F10: variants seen among roughly 807,000 people sequenced by gnomAD.
F10 encodes Stuart-Prower factor.
A neutral mutation model predicts 37.1 loss-of-function variants in F10; 29 were observed. That is an observed-to-expected ratio of 0.78 (90% confidence interval 0.58 to 1.07). F10 has a LOEUF of 1.07. Ranked by LOEUF, F10 falls within the 50% of genes least tolerant of loss-of-function variation. The pLI is 0.00. For synonymous variants in F10, 262 were observed against 268.6 expected, an observed-to-expected ratio of 0.98 and a Z score of 0.24; for missense variants, 539 against 667.9, an observed-to-expected ratio of 0.81 and a Z score of 2.13.
rs2036532544 is a variant in F10 at position 113,141,968 on chromosome 13, C to T, written c.502+918C>T. ...CTGTCCCCTCCAGACACAGGTTACT[C>T]CCGAGTGTTCTGTCACTCTTCCTTT... On this transcript the variant is annotated intron_variant, in intron 5 of 7. Transcript: ENST00000375559. The surrounding 1 kb of genome is among the most constrained non-coding windows in gnomAD (Gnocchi z 5.4). Among the ~76,000 whole-genome samples, 1 of 152,210 alleles carries T rather than the reference C, an allele frequency of 6.6e-6. No individual in the cohort carries two copies. Among genetic ancestry groups the T allele is most frequent in the Non-Finnish European group, 1.5e-5 (1 of 68,050 alleles).
rs960229504 is a variant in F10, at chr13:113,141,802, C to T, written c.502+752C>T. On this transcript the variant is annotated intron_variant, in intron 5 of 7. Coordinates refer to ENST00000375559, the MANE Select transcript of F10 (RefSeq NM_000504.4). This position sits in a 1 kb window ranked among gnomAD's most constrained non-coding sequence, Gnocchi z 5.4. ...ACTCCCACTCATAGCTGGCCCGACC[C>T]GCAGCGTTGGCCTCACCCGGGGGCA... 1.2e-4 allele frequency among the ~76,000 whole-genome samples: 18 copies of T among 152,302 alleles called. No individual in the cohort carries two copies. The highest frequency in any genetic ancestry group is 3.8e-4 in the African/African-American group (16 of 41,572).
chr13:113,140,800 T>C, intron 4 of F10, 119 bp from the exon 5 acceptor site: 2 of 1,497,552 alleles, frequency 1.3e-6, no homozygotes, highest in Non-Finnish European at 1.9e-6. Context: ...TCTGGCCCTT[T>C]GCTCAACCCA....
intron 1 of F10, among the ~76,000 whole-genome samples, chr13:113,126,152 C>G (rs1366508815): frequency 1.3e-5 from 2 of 152,072 alleles, no homozygotes; most frequent in African/African-American, 4.8e-5. Context: ...CCTGGGAGGC[C>G]TGGCCATGGG....
chr13:113,130,007 T>A (rs1335504680), intron 2 of F10: 2 of 336,718 alleles, frequency 5.9e-6, no homozygotes, highest in Non-Finnish European at 1.2e-5. Context: ...GCGTCCTGCC[T>A]TGGCCTCCGT....
intron 2 of F10, 23 bp downstream of exon 2, chr13:113,129,635 C>T: frequency 3.1e-6 from 5 of 1,613,768 alleles, no homozygotes; most frequent in Non-Finnish European, 4.2e-6. Flanking sequence ...GATAGCCTGG[C>T]TGTTGGTAAG....
At position 113,122,825 on chromosome 13, in the gene F10, T is replaced by C; in HGVS notation, c.-31T>C. 6.2e-7 allele frequency: 1 copy of C among 1,606,204 alleles called. No homozygotes were observed. The highest frequency in any genetic ancestry group is 1.1e-5 in the South Asian group (1 of 91,058). ...ACTTTGCTCCAGCAGCCTGTCCCAG[T>C]GAGGACAGGGACACAGTACTCGGCC... On this transcript the variant is annotated 5_prime_UTR_variant, in exon 1 of 8. Transcript: ENST00000375559.
chr13:113,135,436 A>T (rs1275665728), intron 2 of F10, among the ~76,000 whole-genome samples: 1 of 152,172 alleles, frequency 6.6e-6, no homozygotes, highest in Non-Finnish European at 1.5e-5. Context: ...GGGCCTGATG[A>T]GGGCCTGGTC....
intron 7 of F10, among the ~76,000 whole-genome samples, chr13:113,148,465 T>G (rs1467657023): frequency 6.6e-6 from 1 of 151,734 alleles, no homozygotes; most frequent in East Asian, 1.9e-4. Context: ...TATTACTTTT[T>G]CCATGTGTAA....
At chr13:113,123,736 C>A (rs890577119) in intron 1 of F10, among the ~76,000 whole-genome samples, 10 of 152,154 alleles carry the variant, frequency 6.6e-5, no homozygotes, top group Non-Finnish European at 1.5e-4. Context: ...ATCCTCAGTG[C>A]ATCACTGACC....
At chr13:113,148,346 AT>A (rs1397676117) in intron 7 of F10, among the ~76,000 whole-genome samples, 842 of 75,934 alleles carry the variant, frequency 0.011, 8 homozygotes, top group African/African-American at 0.037. Context: ...AAAAAAAAAA[AT>A]ATATATATAT....
chr13:113,124,105 C>T (rs1217341618), intron 1 of F10, among the ~76,000 whole-genome samples: 1 of 152,218 alleles, frequency 6.6e-6, no homozygotes, highest in African/African-American at 2.4e-5. Flanking sequence ...AATTCTGCAG[C>T]CGGAATGCTC....
In F10 at chr13:113,139,338, C is replaced by T. The variant is rs369847805; in HGVS notation, c.257-19C>T. ...GGAAACAGCTTGCAGACTCCAGTTT[C>T]GAAATCCTCTCTTTGCAGATGGCGA... On this transcript the variant is annotated intron_variant, in intron 3 of 7. Transcript: ENST00000375559. The surrounding 1 kb of genome is among the most constrained non-coding windows in gnomAD (Gnocchi z 5.2). The T allele has an allele frequency of 2.1e-4, 337 of 1,608,912 alleles. 1 individual carries two copies. Among genetic ancestry groups the T allele is most frequent in the Non-Finnish European group, 2.7e-4 (322 of 1,175,592 alleles).
rs1317329143 is a variant in F10, at chr13:113,136,771, C to T, written c.232-1686C>T. ...GTTCACGCCATTCTCCTGCCTCAGCCTCCCAAGTAGCTGGGACTACAGGCG... is the reference window on the plus strand; with the variant it reads ...GTTCACGCCATTCTCCTGCCTCAGCTTCCCAAGTAGCTGGGACTACAGGCG... On this transcript the variant is annotated intron_variant, in intron 2 of 7. Transcript: ENST00000375559. 5.0e-5 allele frequency among the ~76,000 whole-genome samples: 2 copies of T among 39,716 alleles called. 1 individual carries two copies. The highest frequency in any genetic ancestry group is 1.3e-4 in the Non-Finnish European group (2 of 15,538). 26.1% of individuals were successfully genotyped at this position (39,716 alleles called of 152,430 possible).
In F10 at chr13:113,139,771, T is replaced by C. The variant is rs1248785858; in HGVS notation, c.370+301T>C. Among the ~76,000 whole-genome samples, 3 of 151,594 alleles carry C rather than the reference T, an allele frequency of 2.0e-5. No homozygotes were observed. Among genetic ancestry groups the C allele is most frequent in the Non-Finnish European group, 4.4e-5 (3 of 67,968 alleles). ...TGATCCATTCATGTGTAAACAGGAG[T>C]GGACTCTCTGTTTTCCTTGGGGCCA... On this transcript the variant is annotated intron_variant, in intron 4 of 7. Coordinates refer to ENST00000375559, the MANE Select transcript of F10 (RefSeq NM_000504.4). This position sits in a 1 kb window ranked among gnomAD's most constrained non-coding sequence, Gnocchi z 5.2.
In F10 at chr13:113,143,834, C is replaced by T. The variant is rs369143588; in HGVS notation, c.503-17C>T. 165 of 1,610,802 alleles carry T rather than the reference C, an allele frequency of 1.0e-4. No individual in the cohort carries two copies. In the African/African-American group the frequency reaches 1.9e-3, roughly 18 times the overall value. ...CTCTCTCTGTGCTGAAGGCCCCGGC[C>T]GTCCTCTTTCTTTCAGGGCCCTACC... is the stretch of plus-strand genomic sequence containing the variant. On this transcript the variant is annotated splice_polypyrimidine_tract_variant and intron_variant, in intron 5 of 7. Transcript: ENST00000375559. This position sits in a 1 kb window ranked among gnomAD's most constrained non-coding sequence, Gnocchi z 6.8.
chr13:113,147,871 C>T (rs1331344524), intron 7 of F10, among the ~76,000 whole-genome samples: 1 of 152,164 alleles, frequency 6.6e-6, no homozygotes, highest in Non-Finnish European at 1.5e-5. Flanking sequence ...CACCAAGCAC[C>T]TCTGTCTCTT....
chr13:113,133,269 T>A (rs2138533152), intron 2 of F10, among the ~76,000 whole-genome samples: 1 of 151,638 alleles, frequency 6.6e-6, no homozygotes, highest in South Asian at 2.1e-4. Context: ...TAGACAAAAT[T>A]AATAAGCTGA....
chr13:113,146,874 C>T lies in F10; in HGVS notation c.748-505C>T, dbSNP rs1323844766. 6.6e-6 allele frequency among the ~76,000 whole-genome samples: 1 copy of T among 152,238 alleles called. No individual in the cohort carries two copies. Among genetic ancestry groups the T allele is most frequent in the South Asian group, 2.1e-4 (1 of 4,818 alleles). On this transcript the variant is annotated intron_variant, in intron 6 of 7. Transcript: ENST00000375559. This position sits in a 1 kb window ranked among gnomAD's most constrained non-coding sequence, Gnocchi z 4.5. Reference sequence around the variant, plus strand: ...CCTGGGACCGTGTTCCAAGTCCTGGCAGGTAGGAGACCCTTCACAGGAGCT... The same window carrying T: ...CCTGGGACCGTGTTCCAAGTCCTGGTAGGTAGGAGACCCTTCACAGGAGCT...
Position 113,147,486 on chromosome 13 carries a change from G to A in F10, c.855G>A (p.Lys285=), listed in dbSNP as rs771060910. ...GTCTCTACCAAGCCAAGAGATTCAA[G>A]GTGAGGGTAGGTAAGTGACCAACAG... The part of the protein sequence containing the change: ...AHCLYQAKRF[K]VRVGDRNTEQ... Residue 285 remains lysine (K), a synonymous_variant, in exon 7 of 8, where the codon AAG becomes AAA. Transcript: ENST00000375559. 9.9e-6 allele frequency: 16 copies of A among 1,610,892 alleles called. No homozygotes were observed. In the South Asian group the frequency reaches 1.5e-4, roughly 15 times the overall value.
Sources: gnomAD v4.1 joint callset for allele counts (sites outside exome capture counted in the v4.1 genomes callset) on GRCh38, gnomAD v4.1.1 for gene constraint, Gnocchi (gnomAD v3.1) non-coding constraint, MANE v1.5 for transcripts, NCBI Gene and HGNC (gene_info 2026-07-23, HGNC 2026-07-21) for gene names.